HENMT1: variants seen among roughly 807,000 people sequenced by gnomAD.
HENMT1 encodes HEN methyltransferase 1.
In HENMT1, 27 loss-of-function variants were observed where a neutral mutation model predicts 31.1. That is an observed-to-expected ratio of 0.87 (90% CI 0.64 to 1.20). The LOEUF (loss-of-function observed/expected upper bound fraction) is 1.20, where lower values mean the gene tolerates loss of function less well. HENMT1 is among the 50% of genes most tolerant of loss of function. The pLI is 0.00. For synonymous variants in HENMT1, 167 were observed against 172.2 expected (o/e 0.97, Z 0.24); for missense variants, 438 against 469.6 (o/e 0.93, Z 0.62).
intron 2 of HENMT1, among the ~76,000 whole-genome samples, chr1:108,658,355 G>C (rs1009878543): frequency 6.6e-6 from 1 of 152,014 alleles, no homozygotes; most frequent in African/African-American, 2.4e-5. Context: ...GGCTCTTCTT[G>C]AACTCCTGAC....
At chr1:108,661,232 G>T (rs1163551301), upstream of HENMT1, 1 of 152,408 alleles carries the variant, frequency 6.6e-6, no homozygotes, top group African/African-American at 2.4e-5. Flanking sequence ...CTCATGGTGC[G>T]CCGAGCTCCG....
In HENMT1 at chr1:108,655,619, A is replaced by G; in HGVS notation, c.230T>C (p.Val77Ala). Residue 77 changes from valine (V) to alanine (A), a missense_variant, in exon 4 of 8, where the codon GTA becomes GCA. Coordinates refer to ENST00000651461, the MANE Select transcript of HENMT1 (RefSeq NM_001102592.2). ...TCGTAATTTATCCTCATTAATATCT[A>G]CTCCAACAAGCAATTCAATGCATGG... ...VNPCIELLVGVDINEDKLRWR... is the reference protein window; with the variant it reads ...VNPCIELLVGADINEDKLRWR... 6.2e-7 allele frequency: 1 copy of G among 1,610,580 alleles called. No homozygotes were observed. The highest frequency in any genetic ancestry group is 2.2e-5 in the East Asian group (1 of 44,696).
chr1:108,655,691 T>C lies in HENMT1; in HGVS notation c.158A>G (p.Asp53Gly). 1.2e-6 allele frequency: 2 copies of C among 1,601,386 alleles called. No individual in the cohort carries two copies. The highest frequency in any genetic ancestry group is 1.7e-6 in the Non-Finnish European group (2 of 1,172,090). Residue 53 changes from aspartate (D) to glycine (G), a missense_variant, in exon 4 of 8, where the codon GAC (aspartate) becomes GGC (glycine). Asp to Gly is a moderately conservative substitution (Grantham distance 94). Transcript: ENST00000651461. ...GAGTGAAGTATCACCACATCCCAGG[T>C]CTGCAACCTGTAGATGAGACAGAAT... ...VDQHEPKKVA[D>G]LGCGDTSLLR...
At chr1:108,651,616 G>C (rs1473799748) in intron 5 of HENMT1, among the ~76,000 whole-genome samples, 1 of 151,872 alleles carries the variant, frequency 6.6e-6, no homozygotes, top group Non-Finnish European at 1.5e-5. Flanking sequence ...TTGCTCTCCA[G>C]CCTGGGTGAC....
In HENMT1 at chr1:108,654,753, G is replaced by C. The variant is rs370205325; in HGVS notation, c.361C>G (p.Arg121Gly). ...YHGSVVERDS[R>G]LLGFDLITCI... ...GTTATCAAGTCAAATCCAAGCAAACGAGAGTCTCTCTCCACAACGGAGCCA... is the reference window on the plus strand; with the variant it reads ...GTTATCAAGTCAAATCCAAGCAAACCAGAGTCTCTCTCCACAACGGAGCCA... Residue 121 changes from arginine to glycine, a missense_variant, in exon 5 of 8, where the codon CGT (arginine) becomes GGT (glycine). Coordinates refer to ENST00000651461, the MANE Select transcript of HENMT1 (RefSeq NM_001102592.2). 3 of 1,613,894 alleles carry C rather than the reference G, an allele frequency of 1.9e-6. No homozygotes were observed. Among genetic ancestry groups the C allele is most frequent in the Admixed American group, 1.7e-5 (1 of 60,000 alleles).
In HENMT1 at chr1:108,654,771, C is replaced by T. The variant is rs201099311; in HGVS notation, c.343G>A (p.Val115Ile). 2.5e-5 allele frequency: 41 copies of T among 1,613,968 alleles called. No homozygotes were observed. Among genetic ancestry groups the T allele is most frequent in the East Asian group, 4.5e-5 (2 of 44,890 alleles). The change falls in exon 5 of 8, where the codon GTT becomes ATT. Residue 115 changes from valine to isoleucine, a missense_variant. Transcript: ENST00000651461. Reference protein sequence around the residue: ...NLTITLYHGSVVERDSRLLGF... With the variant: ...NLTITLYHGSIVERDSRLLGF... ...AGCAAACGAGAGTCTCTCTCCACAA[C>T]GGAGCCATGATACAATGTGATGGTC...
chr1:108,649,992 C>A, intron 7 of HENMT1: 1 of 649,662 alleles, frequency 1.5e-6, no homozygotes, highest in East Asian at 3.1e-5. Flanking sequence ...CAGATCATTC[C>A]CTTTAACATG....
At chr1:108,660,628 G>C (rs1265927182) in intron 1 of HENMT1, among the ~76,000 whole-genome samples, 1 of 152,194 alleles carries the variant, frequency 6.6e-6, no homozygotes, top group Non-Finnish European at 1.5e-5. Flanking sequence ...TCACCAACTT[G>C]TATTAAGAAA....
At chr1:108,661,119 C>G (rs1258271403), upstream of HENMT1, 1 of 498,214 alleles carries the variant, frequency 2.0e-6, no homozygotes, top group Non-Finnish European at 2.6e-6. Context: ...CGCTGCGTGA[C>G]GCTACCGCCG....
chr1:108,653,697 A>C lies in HENMT1; in HGVS notation c.398+1019T>G, dbSNP rs561271752. Among the ~76,000 whole-genome samples the C allele has an allele frequency of 1.1e-4, 17 of 152,168 alleles. No individual in the cohort carries two copies. The South Asian group carries it at 3.3e-3, about 30-fold the overall frequency. On this transcript the variant is annotated intron_variant, in intron 5 of 7. Coordinates refer to ENST00000651461, the MANE Select transcript of HENMT1 (RefSeq NM_001102592.2). ...GACTAGTGATGTTGAGCATTTTTTC[A>C]TCTACTTGTTAACCATCTGTATGTC...
At chr1:108,649,338 C>T (rs1252213793) in intron 7 of HENMT1, 1 of 466,536 alleles carries the variant, frequency 2.1e-6, no homozygotes, top group Admixed American at 2.3e-5. Flanking sequence ...CAGTGACTCA[C>T]ACCTGTAATC....
intron 5 of HENMT1, among the ~76,000 whole-genome samples, chr1:108,651,705 A>G (rs1358046944): frequency 6.7e-6 from 1 of 149,136 alleles, no homozygotes; most frequent in Non-Finnish European, 1.5e-5. Context: ...AAAGAGAGAG[A>G]GACAGACAGA....
At chr1:108,653,061 C>T (rs1283953406) in intron 5 of HENMT1, among the ~76,000 whole-genome samples, 1 of 146,876 alleles carries the variant, frequency 6.8e-6, no homozygotes, top group Non-Finnish European at 1.5e-5. Context: ...GAGTTTTGCT[C>T]GTTGTGCAAT....
Position 108,651,208 on chromosome 1 carries a change from T to A in HENMT1, c.400A>T (p.Ile134Leu), listed in dbSNP as rs766106048. 3.1e-5 allele frequency: 50 copies of A among 1,609,514 alleles called. No homozygotes were observed. In the Middle Eastern group the frequency reaches 8.3e-4, roughly 27 times the overall value. ...GFDLITCIEL[I>L]EHLDSGDLAR... Reference sequence around the variant, plus strand: ...AGATCACCTGAATCCAAATGTTCTATTCTAAAATGGTTAATGAGAAAGACA... The same window carrying A: ...AGATCACCTGAATCCAAATGTTCTAATCTAAAATGGTTAATGAGAAAGACA... Residue 134 changes from isoleucine (I) to leucine (L), a missense_variant and splice_region_variant, in exon 6 of 8, where the codon ATA becomes TTA. Transcript: ENST00000651461.
chr1:108,650,019 G>A, intron 7 of HENMT1, 192 bp downstream of exon 7: 1 of 686,342 alleles, frequency 1.5e-6, no homozygotes, highest in Non-Finnish European at 2.7e-6. Context: ...AACACCAAAA[G>A]GCCAGGCAGT....
rs561570944 is a variant in HENMT1 at position 108,660,938 on chromosome 1, A to G, written c.-79+25T>C. On this transcript the variant is annotated intron_variant, in intron 1 of 7. Coordinates refer to ENST00000651461, the MANE Select transcript of HENMT1 (RefSeq NM_001102592.2). Reference sequence around the variant, plus strand: ...GACTCCGTCTCAAAAAAAAAAAAAGAAAAAGAAAAAGAAACCCTGCTCACT... The same window carrying G: ...GACTCCGTCTCAAAAAAAAAAAAAGGAAAAGAAAAAGAAACCCTGCTCACT... 632 of 947,920 alleles carry G rather than the reference A, an allele frequency of 6.7e-4. 4 individuals are homozygous for G. In the African/African-American group the frequency reaches 0.011, roughly 17 times the overall value. 58.7% of individuals were successfully genotyped at this position (947,920 alleles called of 1,614,324 possible). A position where few individuals can be genotyped will look rare whatever the true frequency, so the allele number is the denominator to read the frequency against.
intron 3 of HENMT1, among the ~76,000 whole-genome samples, 156 bp from the exon 4 acceptor site, chr1:108,655,854 C>T (rs1658222181): frequency 8.0e-6 from 1 of 125,574 alleles, no homozygotes; most frequent in African/African-American, 4.0e-5. Flanking sequence ...ATGCTACACA[C>T]ACACACACAC....
chr1:108,658,043 A>G (rs1413592114), intron 2 of HENMT1, among the ~76,000 whole-genome samples: 1 of 122,772 alleles, frequency 8.1e-6, no homozygotes, highest in Admixed American at 8.8e-5. Context: ...ACACACATAT[A>G]TATACACACA....
chr1:108,655,951 A>C (rs1658227058), intron 3 of HENMT1, among the ~76,000 whole-genome samples: 1 of 152,078 alleles, frequency 6.6e-6, no homozygotes, highest in African/African-American at 2.4e-5. Context: ...TAAAATAGAA[A>C]GGTCCATTCC....
Sources: gnomAD v4.1 joint callset for allele counts (sites outside exome capture counted in the v4.1 genomes callset) on GRCh38, gnomAD v4.1.1 for gene constraint, MANE v1.5 for transcripts, NCBI Gene and HGNC (gene_info 2026-07-23, HGNC 2026-07-21) for gene names.